The following GALNTL6 variants were observed in gnomAD, a reference collection of about 807,000 sequenced individuals.
The protein encoded by GALNTL6 is polypeptide N-acetylgalactosaminyltransferase-like 6.
Under a neutral mutation model 73.7 loss-of-function variants are expected in GALNTL6, and 46 were observed. The observed-to-expected ratio is 0.62, with a 90% CI of 0.49 to 0.80. The LOEUF (loss-of-function observed/expected upper bound fraction) is 0.80, where lower values mean the gene tolerates loss of function less well. Ranked by LOEUF, GALNTL6 falls within the 30% of genes least tolerant of loss-of-function variation. GALNTL6 has a pLI of 0.00. For synonymous variants in GALNTL6, 259 were observed against 263.7 expected, an observed-to-expected ratio of 0.98 and a Z score of 0.17; for missense variants, 604 against 755.0, an observed-to-expected ratio of 0.80 and a Z score of 2.34.
At chr4:171,949,318 T>C (rs887168401) in intron 2 of GALNTL6, among the ~76,000 whole-genome samples, 1 of 152,198 alleles carries the variant, frequency 6.6e-6, no homozygotes, top group African/African-American at 2.4e-5. Context: ...CTGGGCTCTT[T>C]CTTGAGTGGT....
chr4:172,906,928 CA>C (rs1240666484), intron 8 of GALNTL6, among the ~76,000 whole-genome samples: 3 of 152,176 alleles, frequency 2.0e-5, no homozygotes, highest in Non-Finnish European at 4.4e-5. Context: ...ATTATATCTT[CA>C]AAACTTCTTC....
At chr4:172,098,174 C>T (rs958374239) in intron 2 of GALNTL6, among the ~76,000 whole-genome samples, 1 of 152,004 alleles carries the variant, frequency 6.6e-6, no homozygotes, top group East Asian at 1.9e-4. Context: ...ATATGTCTCT[C>T]TCTATATATA....
At chr4:172,442,466 T>G (rs1263712673) in intron 5 of GALNTL6, among the ~76,000 whole-genome samples, 1 of 152,194 alleles carries the variant, frequency 6.6e-6, no homozygotes, top group African/African-American at 2.4e-5. Context: ...TAATGCTCAA[T>G]AAGTATTTAG....
At chr4:172,671,328 A>G (rs1161608469) in intron 5 of GALNTL6, among the ~76,000 whole-genome samples, 3 of 151,956 alleles carry the variant, frequency 2.0e-5, no homozygotes, top group Non-Finnish European at 4.4e-5. Flanking sequence ...GATTTCTTTG[A>G]GTACTGTTTG....
At chr4:171,832,500 T>C (rs190213139) in intron 2 of GALNTL6, among the ~76,000 whole-genome samples, 51 of 151,544 alleles carry the variant, frequency 3.4e-4, no homozygotes, top group African/African-American at 1.2e-3. Context: ...GGTAGAGAGA[T>C]AGATAGATAG....
chr4:172,052,593 A>C, intron 2 of GALNTL6: 52 of 1,104,320 alleles, frequency 4.7e-5, no homozygotes, highest in Non-Finnish European at 5.7e-5. Context: ...GGTTCGTCTC[A>C]TGGACGCTTG....
chr4:172,272,014 A>C (rs865954380), intron 3 of GALNTL6, among the ~76,000 whole-genome samples: 6 of 152,004 alleles, frequency 3.9e-5, no homozygotes, highest in African/African-American at 1.4e-4. Flanking sequence ...GTGCAGTGGC[A>C]TGACCTTGGC....
intron 5 of GALNTL6, among the ~76,000 whole-genome samples, chr4:172,468,688 T>G (rs34956695): frequency 0.9 from 136,337 of 152,250 alleles, 61,150 homozygotes; most frequent in African/African-American, 0.95. Context: ...AGGTTGTAAG[T>G]CAAGCAAGAA....
intron 5 of GALNTL6, among the ~76,000 whole-genome samples, chr4:172,773,419 G>T (rs1738890490): frequency 6.6e-6 from 1 of 152,084 alleles, no homozygotes; most frequent in South Asian, 2.1e-4. Flanking sequence ...GGCTTTAAGT[G>T]GCAGTTTTGC....
intron 2 of GALNTL6, among the ~76,000 whole-genome samples, chr4:171,975,451 T>C (rs148739136): frequency 4.9e-4 from 74 of 152,280 alleles, no homozygotes; most frequent in African/African-American, 1.7e-3. Flanking sequence ...AGGGAAGACA[T>C]ACAAAGGTGA....
At chr4:172,278,826 A>G (rs1420851139) in intron 3 of GALNTL6, among the ~76,000 whole-genome samples, 2 of 152,182 alleles carry the variant, frequency 1.3e-5, no homozygotes, top group African/African-American at 2.4e-5. Flanking sequence ...AAAACTTATG[A>G]CAAATCTGCT....
chr4:172,208,426 C>T (rs1032490829), intron 2 of GALNTL6, among the ~76,000 whole-genome samples: 13 of 152,052 alleles, frequency 8.5e-5, no homozygotes, highest in Non-Finnish European at 1.8e-4. Context: ...AATCGTTTAA[C>T]TATGAACCTG....
chr4:171,878,889 C>T (rs1308246112), intron 2 of GALNTL6, among the ~76,000 whole-genome samples: 2 of 152,054 alleles, frequency 1.3e-5, no homozygotes, highest in African/African-American at 4.8e-5. Context: ...AAGTGTGTGG[C>T]ACCTCCCCAC....
At chr4:171,823,873 A>T (rs1045929186) in intron 2 of GALNTL6, among the ~76,000 whole-genome samples, 31 of 151,096 alleles carry the variant, frequency 2.1e-4, no homozygotes, top group African/African-American at 7.3e-4. Flanking sequence ...GGGTGGTGGT[A>T]CTTATTGCAA....
rs1734799717 is a variant in GALNTL6, at chr4:172,712,906, A to T, written c.554-96455A>T. ...AATGAGTGTAAATCTCAGTTTTGCC[A>T]CTTGCTCTCACCAAGACCTTGAGCA... On this transcript the variant is annotated intron_variant, in intron 5 of 12. Transcript: ENST00000506823. Among the ~76,000 whole-genome samples the T allele has an allele frequency of 2.6e-5, 4 of 152,116 alleles. No homozygotes were observed. In the South Asian group the frequency reaches 8.3e-4, roughly 32 times the overall value.
At chr4:172,220,737 T>G (rs989554490) in intron 2 of GALNTL6, among the ~76,000 whole-genome samples, 3 of 151,810 alleles carry the variant, frequency 2.0e-5, no homozygotes, top group Non-Finnish European at 3.0e-5. Flanking sequence ...TCAATTGTCT[T>G]CACCATTTAG....
At chr4:171,965,394 C>A (rs553937880) in intron 2 of GALNTL6, among the ~76,000 whole-genome samples, 1 of 152,164 alleles carries the variant, frequency 6.6e-6, no homozygotes, top group East Asian at 1.9e-4. Context: ...CAGTGGCTCA[C>A]GCCTGTAATC....
chr4:172,742,579 A>C lies in GALNTL6; in HGVS notation c.554-66782A>C, dbSNP rs945477139. On this transcript the variant is annotated intron_variant, in intron 5 of 12. Coordinates refer to ENST00000506823, the MANE Select transcript of GALNTL6 (RefSeq NM_001034845.3). ...AAGTTACAGGGATAGGTAAGGAAAA[A>C]GTTGGCAAGCAGGTAATGAGAAGGG... Among the ~76,000 whole-genome samples, 15 of 152,038 alleles carry C rather than the reference A, an allele frequency of 9.9e-5. 1 individual carries two copies. The highest frequency in any genetic ancestry group is 6.2e-4 in the South Asian group (3 of 4,828).
At chr4:171,996,204 T>C (rs1354246414) in intron 2 of GALNTL6, among the ~76,000 whole-genome samples, 1 of 152,176 alleles carries the variant, frequency 6.6e-6, no homozygotes, top group African/African-American at 2.4e-5. Context: ...TTTAATGTCA[T>C]GCTTTATTTG....
Sources: gnomAD v4.1 joint callset for allele counts (sites outside exome capture counted in the v4.1 genomes callset) on GRCh38, gnomAD v4.1.1 for gene constraint, MANE v1.5 for transcripts, NCBI Gene and HGNC (gene_info 2026-07-23, HGNC 2026-07-21) for gene names.